The following TAFA2 variants were observed in gnomAD, a reference collection of about 807,000 sequenced individuals.
The protein encoded by TAFA2 is chemokine-like protein TAFA-2.
TAFA2 carries 7 observed loss-of-function variants against 18.8 expected under a neutral mutation model. The ratio of observed to expected loss-of-function variants is 0.37; its 90% CI spans 0.21 to 0.70. TAFA2 has a LOEUF of 0.70. Among genes scored for constraint, TAFA2 ranks in the 30% least tolerant of loss-of-function variants. The probability of loss-of-function intolerance (pLI) is 0.53; values close to 1 mark genes in which losing one functional copy is unlikely to be tolerated. For missense variants in TAFA2, 122 were observed against 158.1 expected, an observed-to-expected ratio of 0.77 and a Z score of 1.23; for synonymous variants, 60 against 54.2, an observed-to-expected ratio of 1.11 and a Z score of -0.47.
chr12:61,992,517 T>G (rs1256891728), intron 1 of TAFA2, among the ~76,000 whole-genome samples: 1 of 152,196 alleles, frequency 6.6e-6, no homozygotes, highest in South Asian at 2.1e-4. Context: ...TCCCTACTGT[T>G]TGTTCCTACA....
intron 1 of TAFA2, among the ~76,000 whole-genome samples, chr12:62,201,699 T>C (rs576630139): frequency 2.8e-4 from 42 of 152,178 alleles, no homozygotes; most frequent in Non-Finnish European, 5.0e-4. Context: ...TTGTTGTTGT[T>C]GTTGCTGTTG....
At chr12:62,218,810 T>A (rs1027957278) in intron 1 of TAFA2, among the ~76,000 whole-genome samples, 1 of 152,156 alleles carries the variant, frequency 6.6e-6, no homozygotes, top group African/African-American at 2.4e-5. Flanking sequence ...AGAGTAGATA[T>A]CTAAAGGACA....
chr12:62,065,905 T>C (rs1882473548), intron 1 of TAFA2, among the ~76,000 whole-genome samples: 1 of 151,948 alleles, frequency 6.6e-6, no homozygotes, highest in Non-Finnish European at 1.5e-5. Flanking sequence ...CATACCACTT[T>C]ATAAAAAAGC....
intron 2 of TAFA2, among the ~76,000 whole-genome samples, chr12:61,789,973 T>C (rs1267651355): frequency 2.0e-5 from 3 of 151,826 alleles, no homozygotes; most frequent in Admixed American, 2.0e-4. Context: ...CTCAACAAGA[T>C]ACTAGCAAAC....
At chr12:61,859,900 A>G (rs2121192570) in intron 2 of TAFA2, among the ~76,000 whole-genome samples, 1 of 152,318 alleles carries the variant, frequency 6.6e-6, no homozygotes, top group African/African-American at 2.4e-5. Flanking sequence ...TTTATTTTTC[A>G]TAATATGTAG....
intron 2 of TAFA2, among the ~76,000 whole-genome samples, chr12:61,814,710 G>C (rs919106879): frequency 1.3e-5 from 2 of 151,196 alleles, no homozygotes; most frequent in Non-Finnish European, 2.9e-5. Flanking sequence ...AGATTATTCT[G>C]GATTATCTCA....
chr12:62,007,201 C>T (rs1880582242), intron 1 of TAFA2, among the ~76,000 whole-genome samples: 1 of 152,152 alleles, frequency 6.6e-6, no homozygotes, highest in Non-Finnish European at 1.5e-5. Context: ...TTTCTGACCC[C>T]TATGATTGTA....
chr12:61,970,970 G>A (rs756791898), intron 1 of TAFA2, among the ~76,000 whole-genome samples: 35 of 151,476 alleles, frequency 2.3e-4, no homozygotes, highest in Non-Finnish European at 4.0e-4. Context: ...AATGCATAAC[G>A]TCTTATGATT....
chr12:61,785,562 A>G (rs950360784), intron 2 of TAFA2, among the ~76,000 whole-genome samples: 1 of 151,500 alleles, frequency 6.6e-6, no homozygotes, highest in African/African-American at 2.4e-5. Flanking sequence ...CAATGAAATA[A>G]TAACTATAAA....
intron 1 of TAFA2, chr12:62,235,182 AT>A (rs2062831062): frequency 1.5e-6 from 1 of 667,694 alleles, no homozygotes; most frequent in Non-Finnish European, 2.9e-6. Context: ...CTGACAGTAA[AT>A]CATCCGGAAA....
At chr12:61,929,323 C>A (rs989704802) in intron 1 of TAFA2, among the ~76,000 whole-genome samples, 3 of 152,024 alleles carry the variant, frequency 2.0e-5, no homozygotes, top group Non-Finnish European at 4.4e-5. Flanking sequence ...AAACAAACAA[C>A]CCCATCAACA....
chr12:61,806,854 G>A (rs754646783), intron 2 of TAFA2, among the ~76,000 whole-genome samples: 11 of 152,136 alleles, frequency 7.2e-5, no homozygotes, highest in Non-Finnish European at 1.2e-4. Flanking sequence ...GATGATTTAG[G>A]GTAACTGGTG....
intron 1 of TAFA2, among the ~76,000 whole-genome samples, chr12:62,072,094 G>T (rs1402520916): frequency 6.6e-6 from 1 of 152,154 alleles, no homozygotes; most frequent in Non-Finnish European, 1.5e-5. Context: ...TCCAGAGAAA[G>T]ATAGGTAAAG....
chr12:61,966,629 T>A (rs1230166737), intron 1 of TAFA2, among the ~76,000 whole-genome samples: 2 of 152,050 alleles, frequency 1.3e-5, no homozygotes, highest in African/African-American at 4.8e-5. Context: ...AACATCCATG[T>A]CATCAAGTCT....
chr12:61,866,038 A>G (rs1874340236), intron 2 of TAFA2, among the ~76,000 whole-genome samples: 1 of 152,192 alleles, frequency 6.6e-6, no homozygotes, highest in South Asian at 2.1e-4. Flanking sequence ...CCTCCTCATC[A>G]TCTTTTTAAT....
chr12:61,803,824 C>T (rs1271094784), intron 2 of TAFA2, among the ~76,000 whole-genome samples: 1 of 151,832 alleles, frequency 6.6e-6, no homozygotes, highest in East Asian at 1.9e-4. Context: ...AATAAAATGG[C>T]ACATGTATAC....
At chr12:61,839,256 A>C (rs935634583) in intron 2 of TAFA2, among the ~76,000 whole-genome samples, 4 of 152,076 alleles carry the variant, frequency 2.6e-5, no homozygotes, top group Non-Finnish European at 5.9e-5. Context: ...GGAATATCCA[A>C]CCCAGTCTCA....
intron 1 of TAFA2, among the ~76,000 whole-genome samples, chr12:62,082,620 C>T (rs1241824603): frequency 1.3e-5 from 2 of 152,112 alleles, no homozygotes; most frequent in African/African-American, 4.8e-5. Context: ...GATATTTCTT[C>T]CAAGGAGCAT....
At chr12:61,909,238 CA>C (rs1173463371) in intron 1 of TAFA2, among the ~76,000 whole-genome samples, 1 of 152,042 alleles carries the variant, frequency 6.6e-6, no homozygotes, top group African/African-American at 2.4e-5. Context: ...AGGTGAGTAA[CA>C]AAAGTTTGAG....
Sources: gnomAD v4.1 joint callset for allele counts (sites outside exome capture counted in the v4.1 genomes callset) on GRCh38, gnomAD v4.1.1 for gene constraint, MANE v1.5 for transcripts, NCBI Gene and HGNC (gene_info 2026-07-23, HGNC 2026-07-21) for gene names.